The following FHOD3 variants were observed in gnomAD, a reference collection of about 807,000 sequenced individuals.
FHOD3 encodes the protein FH1/FH2 domain-containing protein 3.
A neutral mutation model predicts 173.0 loss-of-function variants in FHOD3; 90 were observed. The observed-to-expected ratio is 0.52, with a 90% CI of 0.44 to 0.62. The LOEUF (loss-of-function observed/expected upper bound fraction) is 0.62. Among genes scored for constraint, FHOD3 ranks in the 20% least tolerant of loss-of-function variants. The probability of loss-of-function intolerance (pLI) is 0.00; values close to 1 mark genes in which losing one functional copy is unlikely to be tolerated. For synonymous variants in FHOD3, 828 were observed against 823.0 expected, an observed-to-expected ratio of 1.01 and a Z score of -0.10; for missense variants, 1,945 against 2,034.7, an observed-to-expected ratio of 0.96 and a Z score of 0.85.
intron 1 of FHOD3, among the ~76,000 whole-genome samples, chr18:36,335,292 G>A (rs904889229): frequency 6.6e-6 from 1 of 151,802 alleles, no homozygotes; most frequent in South Asian, 2.1e-4. Flanking sequence ...TCAGGAGATC[G>A]AGACCATCCT....
chr18:36,423,068 G>A (rs980332765), intron 3 of FHOD3, among the ~76,000 whole-genome samples: 4 of 151,280 alleles, frequency 2.6e-5, no homozygotes, highest in East Asian at 2.0e-4. Context: ...CTTCCTGGAG[G>A]TACACATGTC....
intron 5 of FHOD3, among the ~76,000 whole-genome samples, chr18:36,561,329 G>A (rs1310708342): frequency 6.6e-6 from 1 of 152,182 alleles, no homozygotes; most frequent in Non-Finnish European, 1.5e-5. Context: ...CAGGAGACAG[G>A]ATGGGTGGCG....
chr18:36,394,909 G>A (rs2048477063), intron 3 of FHOD3, among the ~76,000 whole-genome samples: 1 of 152,224 alleles, frequency 6.6e-6, no homozygotes, highest in African/African-American at 2.4e-5. Context: ...CTAGGATAAA[G>A]TAGCTCATGA....
At chr18:36,665,796 G>T (rs112165688) in intron 14 of FHOD3, among the ~76,000 whole-genome samples, 3 of 152,334 alleles carry the variant, frequency 2.0e-5, no homozygotes, top group African/African-American at 7.2e-5. Flanking sequence ...GTCCTGGCCA[G>T]CAAGGCCTGG....
intron 5 of FHOD3, among the ~76,000 whole-genome samples, chr18:36,564,019 C>T (rs377275527): frequency 5.3e-5 from 8 of 152,090 alleles, no homozygotes; most frequent in Admixed American, 2.0e-4. Context: ...CTGCATGGGC[C>T]GTCACTAAGC....
intron 3 of FHOD3, among the ~76,000 whole-genome samples, chr18:36,389,428 T>A (rs997688834): frequency 3.3e-5 from 5 of 152,226 alleles, no homozygotes; most frequent in Non-Finnish European, 5.9e-5. Context: ...CAGTGTCACC[T>A]GTGATTTTCA....
chr18:36,524,281 CAAAAAAA>C (rs34510109), intron 5 of FHOD3, among the ~76,000 whole-genome samples: 1 of 111,932 alleles, frequency 8.9e-6, no homozygotes, highest in African/African-American at 3.6e-5. Context: ...GGCTCTACCT[CAAAAAAA>C]AAAAAAAAAA....
At chr18:36,761,850 G>T (rs1019119260) in intron 27 of FHOD3, among the ~76,000 whole-genome samples, 1 of 152,114 alleles carries the variant, frequency 6.6e-6, no homozygotes, top group Non-Finnish European at 1.5e-5. Flanking sequence ...TCCAAGCTGG[G>T]ATGCTTTGGA....
intron 10 of FHOD3, among the ~76,000 whole-genome samples, chr18:36,631,248 C>T (rs1467885718): frequency 6.6e-6 from 1 of 152,160 alleles, no homozygotes; most frequent in Non-Finnish European, 1.5e-5. Flanking sequence ...CACAAATCCT[C>T]ACCAGAGGGG....
At chr18:36,666,623 T>A (rs1042334718) in intron 14 of FHOD3, among the ~76,000 whole-genome samples, 46 of 152,252 alleles carry the variant, frequency 3.0e-4, no homozygotes, top group African/African-American at 1.1e-3. Context: ...TAATTTCAAG[T>A]ATCAGATATT....
chr18:36,389,632 C>T (rs910641081), intron 3 of FHOD3, among the ~76,000 whole-genome samples: 2 of 152,130 alleles, frequency 1.3e-5, no homozygotes, highest in Admixed American at 6.5e-5. Flanking sequence ...AATATGTGCT[C>T]TCTCTATGTA....
intron 1 of FHOD3, among the ~76,000 whole-genome samples, chr18:36,300,731 C>CT (rs201560108): frequency 2.5e-4 from 37 of 147,994 alleles, no homozygotes; most frequent in African/African-American, 2.5e-4. Context: ...AGGGAGTCAA[C>CT]TTTTTTTTTT....
At chr18:36,377,677 C>T (rs2047514569) in intron 3 of FHOD3, among the ~76,000 whole-genome samples, 1 of 152,172 alleles carries the variant, frequency 6.6e-6, no homozygotes, top group South Asian at 2.1e-4. Context: ...CCTCTGGGTG[C>T]TTGCTGTAGG....
intron 1 of FHOD3, among the ~76,000 whole-genome samples, chr18:36,335,085 G>A (rs1188934576): frequency 1.3e-5 from 2 of 152,206 alleles, no homozygotes; most frequent in African/African-American, 4.8e-5. Flanking sequence ...CATGGCAGTC[G>A]CCTAGGACAG....
intron 13 of FHOD3, among the ~76,000 whole-genome samples, chr18:36,656,236 TTG>T (rs1205774856): frequency 6.6e-6 from 1 of 152,216 alleles, no homozygotes; most frequent in Admixed American, 6.5e-5. Context: ...CTTTCATCCT[TTG>T]CTTTTGTGCT....
chr18:36,581,981 T>C (rs1159170380), intron 6 of FHOD3, among the ~76,000 whole-genome samples: 1 of 152,154 alleles, frequency 6.6e-6, no homozygotes, highest in Non-Finnish European at 1.5e-5. Flanking sequence ...TTTTGAGGAC[T>C]AGCCTTCTAG....
intron 5 of FHOD3, among the ~76,000 whole-genome samples, chr18:36,516,808 G>A (rs770683161): frequency 2.0e-5 from 3 of 152,216 alleles, no homozygotes; most frequent in Non-Finnish European, 2.9e-5. Context: ...TGGGTTAATT[G>A]TCCTAGTGTC....
intron 6 of FHOD3, among the ~76,000 whole-genome samples, chr18:36,578,931 C>T (rs1182146702): frequency 6.6e-6 from 1 of 152,076 alleles, no homozygotes; most frequent in Non-Finnish European, 1.5e-5. Flanking sequence ...TGCTTTCCCT[C>T]AGAAGATTGA....
At chr18:36,595,851 A>G (rs2030263981) in intron 7 of FHOD3, among the ~76,000 whole-genome samples, 1 of 152,222 alleles carries the variant, frequency 6.6e-6, no homozygotes, top group Non-Finnish European at 1.5e-5. Context: ...TATTATTATC[A>G]TCATCCCCAC....
Sources: gnomAD v4.1 joint callset for allele counts (sites outside exome capture counted in the v4.1 genomes callset) on GRCh38, gnomAD v4.1.1 for gene constraint, MANE v1.5 for transcripts, NCBI Gene and HGNC (gene_info 2026-07-23, HGNC 2026-07-21) for gene names.